The following SH3KBP1 variants were observed in gnomAD, a reference collection of about 807,000 sequenced individuals.
SH3KBP1 encodes SH3 domain-containing kinase-binding protein 1.
SH3KBP1 carries 8 observed loss-of-function variants against 50.1 expected under a neutral mutation model. The observed-to-expected ratio is 0.16, with a 90% CI of 0.09 to 0.29. The LOEUF (loss-of-function observed/expected upper bound fraction) is 0.29, where lower values mean the gene tolerates loss of function less well. Ranked by LOEUF, SH3KBP1 falls within the 10% of genes least tolerant of loss-of-function variation. The probability of loss-of-function intolerance (pLI) is 1.00; values close to 1 mark genes in which losing one functional copy is unlikely to be tolerated. For synonymous variants in SH3KBP1, 227 were observed against 218.6 expected, an observed-to-expected ratio of 1.04 and a Z score of -0.34; for missense variants, 377 against 535.2, an observed-to-expected ratio of 0.70 and a Z score of 2.92.
chrX:19,842,002 A>T (rs781121499), intron 1 of SH3KBP1, among the ~76,000 whole-genome samples: 32 of 109,481 alleles, frequency 2.9e-4, no homozygotes, highest in African/African-American at 6.6e-4. Flanking sequence ...GAACATATTT[A>T]AAAAAAAACT....
At chrX:19,776,142 G>T (rs1005943984) in intron 2 of SH3KBP1, among the ~76,000 whole-genome samples, 1 of 111,540 alleles carries the variant, frequency 9.0e-6, no homozygotes, top group Non-Finnish European at 1.9e-5. Flanking sequence ...GACCTCAGAA[G>T]ATACTTTCCT....
At chrX:19,877,881 G>C (rs1013086987) in intron 1 of SH3KBP1, among the ~76,000 whole-genome samples, 1 of 112,327 alleles carries the variant, frequency 8.9e-6, no homozygotes, top group African/African-American at 3.2e-5. Flanking sequence ...CCTGGAGATG[G>C]ACCAGCCTCC....
At chrX:19,598,555 C>T (rs186790441) in intron 9 of SH3KBP1, among the ~76,000 whole-genome samples, 113 of 111,832 alleles carry the variant, frequency 1.0e-3, no homozygotes, top group African/African-American at 3.7e-3. Context: ...TCACTAAGCT[C>T]GATCATTTCT....
intron 2 of SH3KBP1, among the ~76,000 whole-genome samples, chrX:19,814,362 T>A (rs923275669): frequency 9.0e-6 from 1 of 111,126 alleles, no homozygotes; most frequent in South Asian, 3.8e-4. Flanking sequence ...TGTTAAAACA[T>A]CTCTGGTCGC....
At chrX:19,658,960 CT>C (rs1178563446) in intron 6 of SH3KBP1, among the ~76,000 whole-genome samples, 55 of 101,369 alleles carry the variant, frequency 5.4e-4, no homozygotes, top group Non-Finnish European at 4.6e-4. Flanking sequence ...GTAAGGTACA[CT>C]TTTTTTTTTT....
chrX:19,619,835 G>A (rs1165232734), intron 8 of SH3KBP1, among the ~76,000 whole-genome samples: 2 of 112,344 alleles, frequency 1.8e-5, no homozygotes, highest in Non-Finnish European at 3.8e-5. Context: ...AATCAAGAAT[G>A]TAAACTTATG....
At chrX:19,686,889 T>C (rs866401305) in intron 5 of SH3KBP1, among the ~76,000 whole-genome samples, 12 of 111,925 alleles carry the variant, frequency 1.1e-4, no homozygotes, top group Middle Eastern at 4.2e-3. Flanking sequence ...CCTTTAACTG[T>C]CCAATTTTGT....
intron 3 of SH3KBP1, among the ~76,000 whole-genome samples, chrX:19,742,934 G>T (rs995927356): frequency 8.0e-5 from 9 of 112,003 alleles, no homozygotes; most frequent in African/African-American, 1.3e-4. Flanking sequence ...CTCAGGAAAG[G>T]CTTGTTTTAA....
At chrX:19,621,279 C>CG (rs1178038813) in intron 8 of SH3KBP1, among the ~76,000 whole-genome samples, 7 of 90,707 alleles carry the variant, frequency 7.7e-5, no homozygotes, top group African/African-American at 3.0e-4. Context: ...TTAGTGGAGA[C>CG]GGGGTTTCAC....
intron 2 of SH3KBP1, among the ~76,000 whole-genome samples, chrX:19,780,895 T>C (rs193048279): frequency 3.3e-4 from 37 of 112,281 alleles, no homozygotes; most frequent in African/African-American, 9.0e-4. Context: ...TTCTAAATTT[T>C]AGCAGTCTGT....
chrX:19,757,857 T>G (rs2065257513), intron 2 of SH3KBP1, among the ~76,000 whole-genome samples: 1 of 111,345 alleles, frequency 9.0e-6, no homozygotes, highest in Non-Finnish European at 1.9e-5. Flanking sequence ...AGCTATATAA[T>G]TTCCACTACT....
chrX:19,850,803 T>C (rs142242607), intron 1 of SH3KBP1, among the ~76,000 whole-genome samples: 1,192 of 110,309 alleles, frequency 0.011, 47 homozygotes, highest in Admixed American at 0.09. Context: ...GGCATCTCTA[T>C]CTGTACCCGC....
intron 8 of SH3KBP1, among the ~76,000 whole-genome samples, chrX:19,619,460 C>T (rs925036912): frequency 2.7e-5 from 3 of 112,082 alleles, no homozygotes; most frequent in African/African-American, 9.7e-5. Context: ...TAAGCTAGCA[C>T]TTTTACATTT....
rs2062132434 is a variant in SH3KBP1 at position 19,651,733 on chromosome X, A to G, written c.727-6258T>C. ...ACACTTGCTGGGGGCATTGGCTCAC[A>G]CCTGTAATCCCAACACTTTGGGAAA... is the stretch of plus-strand genomic sequence containing the variant. On this transcript the variant is annotated intron_variant, in intron 6 of 17. Coordinates refer to ENST00000397821, the MANE Select transcript of SH3KBP1 (RefSeq NM_031892.3). 2.7e-5 allele frequency among the ~76,000 whole-genome samples: 3 copies of G among 111,348 alleles called. No homozygotes were observed. In the South Asian group the frequency reaches 1.1e-3, roughly 42 times the overall value.
rs929357515 is a variant in SH3KBP1, at chrX:19,712,405, A to G, written c.287-5421T>C. On this transcript the variant is annotated intron_variant, in intron 3 of 17. Transcript: ENST00000397821. ...AAAAAATTCATGAGTCCATATTAATATGTTTAACAGGTAGCTAGACAGCTA... is the reference window on the plus strand; with the variant it reads ...AAAAAATTCATGAGTCCATATTAATGTGTTTAACAGGTAGCTAGACAGCTA... 4.5e-5 allele frequency among the ~76,000 whole-genome samples: 5 copies of G among 112,203 alleles called. No homozygotes were observed. In the Admixed American group the frequency reaches 4.7e-4, roughly 11 times the overall value.
chrX:19,782,321 G>T (rs371877822), intron 2 of SH3KBP1, among the ~76,000 whole-genome samples: 1 of 112,002 alleles, frequency 8.9e-6, no homozygotes, highest in South Asian at 3.7e-4. Context: ...AACACCGTTG[G>T]AGGGCACATT....
At chrX:19,668,951 T>TA (rs1480854574) in intron 6 of SH3KBP1, among the ~76,000 whole-genome samples, 1 of 60,947 alleles carries the variant, frequency 1.6e-5, no homozygotes, top group Non-Finnish European at 2.6e-5. Flanking sequence ...TATATATATA[T>TA]ATATATATAT....
intron 12 of SH3KBP1, among the ~76,000 whole-genome samples, chrX:19,570,771 T>C (rs2065982357): frequency 1.8e-5 from 2 of 110,999 alleles, no homozygotes; most frequent in African/African-American, 6.6e-5. Flanking sequence ...GCCTGGGCAA[T>C]GTGGTGAAAA....
At chrX:19,799,865 T>G (rs953766357) in intron 2 of SH3KBP1, 3 of 956,673 alleles carry the variant, frequency 3.1e-6, no homozygotes, top group Non-Finnish European at 4.1e-6. Flanking sequence ...GTGGTTTTTT[T>G]GTAATTCTTT....
Sources: gnomAD v4.1 joint callset for allele counts (sites outside exome capture counted in the v4.1 genomes callset) on GRCh38, gnomAD v4.1.1 for gene constraint, MANE v1.5 for transcripts, NCBI Gene and HGNC (gene_info 2026-07-23, HGNC 2026-07-21) for gene names.